MAGEB10: variants seen among roughly 807,000 people sequenced by gnomAD.
MAGEB10 encodes melanoma-associated antigen B10.
For missense variants in MAGEB10, 190 were observed against 261.9 expected (o/e 0.73, Z 1.89); for synonymous variants, 99 against 101.0 (o/e 0.98, Z 0.12).
Position 27,821,552 on chromosome X carries a change from T to A in MAGEB10, c.246T>A (p.His82Gln), listed in dbSNP as rs777659379. 5 of 1,209,330 alleles carry A rather than the reference T, an allele frequency of 4.1e-6. No individual in the cohort carries two copies. The highest frequency in any genetic ancestry group is 3.4e-6 in the Non-Finnish European group (3 of 894,573). The stretch of plus-strand genomic sequence containing the variant: ...CTACAGCTGCTTCACACACAAGACA[T>A]CCCGAAGGAGTCAACGACCAAATGG... The part of the protein sequence containing the change: ...TSATAASHTR[H>Q]PEGVNDQMEE... Residue 82 changes from histidine (H) to glutamine (Q), a missense_variant, in exon 3 of 3, where the codon CAT becomes CAA. His to Gln is a conservative substitution (Grantham distance 24). Coordinates refer to ENST00000356790, the MANE Select transcript of MAGEB10 (RefSeq NM_182506.3).
rs1923881483 is a variant in MAGEB10, at chrX:27,821,350, G to A, written c.44G>A (p.Arg15His). The A allele has an allele frequency of 2.5e-6, 3 of 1,209,701 alleles. No homozygotes were observed. The highest frequency in any genetic ancestry group is 2.2e-6 in the Non-Finnish European group (2 of 894,946). The change falls in exon 3 of 3, where the codon CGC becomes CAC. Residue 15 changes from arginine (R) to histidine (H), a missense_variant. Transcript: ENST00000356790. ...AGTAAACTCCGTGCCAGGGAAAAAC[G>A]CCGTCAGGCCCGAGGAGGGCTGGAA... is the stretch of plus-strand genomic sequence containing the variant. ...QKSKLRAREK[R>H]RQARGGLEDL...
At chrX:27,813,421 G>T (rs1484596980) in intron 1 of MAGEB10, among the ~76,000 whole-genome samples, 2 of 112,174 alleles carry the variant, frequency 1.8e-5, no homozygotes, top group African/African-American at 6.5e-5. Flanking sequence ...TAATAAAACT[G>T]ACTTCTTGCA....
chrX:27,810,746 C>A (rs1159440045), intron 1 of MAGEB10, among the ~76,000 whole-genome samples: 1 of 107,467 alleles, frequency 9.3e-6, no homozygotes, highest in Non-Finnish European at 1.9e-5. Flanking sequence ...AACAGAGTAC[C>A]ACTACTATGA....
At chrX:27,816,788 A>C (rs1038654062) in intron 1 of MAGEB10, among the ~76,000 whole-genome samples, 1 of 111,902 alleles carries the variant, frequency 8.9e-6, no homozygotes, top group African/African-American at 3.2e-5. Flanking sequence ...AACTCCTCCA[A>C]GACTTAAGAA....
At chrX:27,811,057 C>T (rs1305541879) in intron 1 of MAGEB10, among the ~76,000 whole-genome samples, 1 of 104,246 alleles carries the variant, frequency 9.6e-6, no homozygotes, top group African/African-American at 3.5e-5. Context: ...GTATAGGCCT[C>T]AAGTCCTCAG....
In MAGEB10 at chrX:27,822,233, G is replaced by T. The variant is rs1456386421; in HGVS notation, c.927G>T (p.Glu309Asp). The change falls in exon 3 of 3, where the codon GAG becomes GAT. Residue 309 changes from glutamate to aspartate, a missense_variant. Coordinates refer to ENST00000356790, the MANE Select transcript of MAGEB10 (RefSeq NM_182506.3). ...APSEFSNWYT[E>D]ALQDEEERAR... is the part of the protein sequence containing the mutation. ...GTGAATTCTCAAACTGGTATACAGA[G>T]GCTTTACAAGATGAGGAAGAGAGAG... 1.7e-6 allele frequency: 2 copies of T among 1,211,548 alleles called. No homozygotes were observed. The highest frequency in any genetic ancestry group is 3.0e-5 in the East Asian group (1 of 33,835).
chrX:27,813,467 A>T (rs928864406), intron 1 of MAGEB10, among the ~76,000 whole-genome samples: 13 of 112,059 alleles, frequency 1.2e-4, no homozygotes, highest in Non-Finnish European at 1.9e-5. Flanking sequence ...TTACTTGGGC[A>T]TCTGTTCTTT....
chrX:27,822,339 C>T lies in MAGEB10; in HGVS notation c.1033C>T (p.Gln345Ter). Residue 345 changes from glutamine to a stop codon, truncating the protein, a stop_gained, in exon 3 of 3, where the codon CAA becomes TAA. Transcript: ENST00000356790. LOFTEE classifies it high-confidence loss of function. ...RSKVKSSKSS[Q>*]LQ ...CAAGGTTAAGTCCAGCAAGTCCTCC[C>T]AACTGCAGTAAAGTCTGAGGGAGAT... is the stretch of plus-strand genomic sequence containing the variant. 1 of 1,204,189 alleles carries T rather than the reference C, an allele frequency of 8.3e-7. No individual in the cohort carries two copies. The highest frequency in any genetic ancestry group is 1.1e-6 in the Non-Finnish European group (1 of 891,803).
In MAGEB10 at chrX:27,821,479, C is replaced by G. The variant is rs773722378; in HGVS notation, c.173C>G (p.Ser58Cys). The G allele has an allele frequency of 8.3e-7, 1 of 1,209,181 alleles. No homozygotes were observed. The highest frequency in any genetic ancestry group is 1.8e-5 in the African/African-American group (1 of 57,000). ...DVFQSSLDGA[S>C]NNPHGLREAQ... is the part of the protein sequence containing the mutation. ...TTCCAGAGTTCACTTGATGGGGCATCCAACAATCCCCATGGACTTCGGGAA... is the reference window on the plus strand; with the variant it reads ...TTCCAGAGTTCACTTGATGGGGCATGCAACAATCCCCATGGACTTCGGGAA... Residue 58 changes from serine (S) to cysteine (C), a missense_variant, in exon 3 of 3, where the codon TCC (serine) becomes TGC (cysteine). By Grantham distance (112) the Ser-to-Cys change is moderately radical. Transcript: ENST00000356790.
chrX:27,810,498 A>G (rs1923657688), intron 1 of MAGEB10, among the ~76,000 whole-genome samples: 1 of 111,552 alleles, frequency 9.0e-6, no homozygotes, highest in Non-Finnish European at 1.9e-5. Flanking sequence ...GCTTCCCATA[A>G]AGATGGCGGC....
At position 27,812,807 on chromosome X, in the gene MAGEB10, G is replaced by C. The variant is rs564350295; in HGVS notation, c.-198-4747G>C. On this transcript the variant is annotated intron_variant, in intron 1 of 2. Transcript: ENST00000356790. ...GTGCCTTCCCATCCCATTATGAAGA[G>C]GCTTTGAAAGATGTGGAAGAGAGAT... The C allele has an allele frequency of 1.2e-5, 4 of 333,109 alleles. No homozygotes were observed. The South Asian group carries it at 1.3e-4, about 11-fold the overall frequency. 27.5% of individuals were successfully genotyped at this position (333,109 alleles called of 1,213,427 possible).
intron 2 of MAGEB10, among the ~76,000 whole-genome samples, chrX:27,820,932 G>C (rs1164797115): frequency 3.6e-5 from 4 of 110,565 alleles, no homozygotes; most frequent in Non-Finnish European, 7.6e-5. Context: ...AGGGATCCCA[G>C]AACCTGCCAG....
At chrX:27,813,155 C>T (rs1442633973) in intron 1 of MAGEB10, among the ~76,000 whole-genome samples, 1 of 111,786 alleles carries the variant, frequency 8.9e-6, no homozygotes, top group Non-Finnish European at 1.9e-5. Flanking sequence ...TAGAGTTTTA[C>T]TATTTTATAG....
At chrX:27,809,054 TC>T (rs1360403258) in intron 1 of MAGEB10, among the ~76,000 whole-genome samples, 5 of 112,684 alleles carry the variant, frequency 4.4e-5, no homozygotes, top group South Asian at 3.6e-4. Context: ...GAGGAGCCCT[TC>T]AGCCCACCGC....
chrX:27,817,914 G>A (rs1001330618), intron 2 of MAGEB10, among the ~76,000 whole-genome samples: 2 of 111,365 alleles, frequency 1.8e-5, no homozygotes, highest in African/African-American at 6.5e-5. Flanking sequence ...CAGAATCCAC[G>A]AGAGAGATCA....
chrX:27,817,026 T>G (rs1387781646), intron 1 of MAGEB10, among the ~76,000 whole-genome samples: 2 of 109,321 alleles, frequency 1.8e-5, no homozygotes, highest in Non-Finnish European at 3.8e-5. Flanking sequence ...CAGATCAAAG[T>G]GTTTGAGAGC....
At chrX:27,816,600 A>G (rs1569212424) in intron 1 of MAGEB10, among the ~76,000 whole-genome samples, 2 of 112,019 alleles carry the variant, frequency 1.8e-5, no homozygotes, top group African/African-American at 6.5e-5. Flanking sequence ...TTGAGATTAT[A>G]GAGGTCATTG....
rs996237653 is a variant in MAGEB10 at position 27,821,694 on chromosome X, G to C, written c.388G>C (p.Glu130Gln). Reference sequence around the variant, plus strand: ...CTTGCTGTACAAGTACCAAATGAAAGAGCCCATTACAAAGGCAGATATGCT... The same window carrying C: ...CTTGCTGTACAAGTACCAAATGAAACAGCCCATTACAAAGGCAGATATGCT... Reference protein sequence around the residue: ...HYLLYKYQMKEPITKADMLRN... With the variant: ...HYLLYKYQMKQPITKADMLRN... Residue 130 changes from glutamate to glutamine, a missense_variant, in exon 3 of 3, where the codon GAG (glutamate) becomes CAG (glutamine). By Grantham distance (29) the Glu-to-Gln change is conservative. Coordinates refer to ENST00000356790, the MANE Select transcript of MAGEB10 (RefSeq NM_182506.3). 4 of 1,210,208 alleles carry C rather than the reference G, an allele frequency of 3.3e-6. No homozygotes were observed. Among genetic ancestry groups the C allele is most frequent in the Non-Finnish European group, 3.4e-6 (3 of 895,387 alleles).
rs58207021 is a variant in MAGEB10, at chrX:27,817,335, T to C, written c.-198-219T>C. Among the ~76,000 whole-genome samples the C allele has an allele frequency of 7.4e-3, 811 of 110,325 alleles. 5 individuals are homozygous for C. The highest frequency in any genetic ancestry group is 0.025 in the African/African-American group (767 of 30,480). On this transcript the variant is annotated intron_variant, in intron 1 of 2. Coordinates refer to ENST00000356790, the MANE Select transcript of MAGEB10 (RefSeq NM_182506.3). ...GTATTCTTGTTGCCAAAAATTCTAA[T>C]ACAGATAAATCAAAATTTCGCTTCC...
Sources: gnomAD v4.1 joint callset for allele counts (sites outside exome capture counted in the v4.1 genomes callset) on GRCh38, gnomAD v4.1.1 for gene constraint, MANE v1.5 for transcripts, NCBI Gene and HGNC (gene_info 2026-07-23, HGNC 2026-07-21) for gene names.